Variants in DEPDC1 observed in about 807,000 individuals in gnomAD.
The protein encoded by DEPDC1 is DEP domain-containing protein 1A.
In DEPDC1, 66 loss-of-function variants were observed where a neutral mutation model predicts 86.8. The observed-to-expected ratio is 0.76, with a 90% confidence interval of 0.62 to 0.93. The LOEUF is 0.93. Among genes scored for constraint, DEPDC1 ranks in the 40% least tolerant of loss-of-function variants. DEPDC1 has a pLI of 0.00. For missense variants in DEPDC1, 792 were observed against 935.7 expected, an observed-to-expected ratio of 0.85 and a Z score of 2.00; for synonymous variants, 255 against 314.9, an observed-to-expected ratio of 0.81 and a Z score of 2.02.
Position 68,474,412 on chromosome 1 carries a change from C to T in DEPDC1, c.*2520G>A, listed in dbSNP as rs986316614. The T allele has an allele frequency of 1.3e-5, 2 of 152,026 alleles. No individual in the cohort carries two copies. The highest frequency in any genetic ancestry group is 4.8e-5 in the African/African-American group (2 of 41,414). The allele number at this position is 152,026 out of a possible 1,614,324, so 9.4% of individuals were successfully genotyped here. On this transcript the variant is annotated 3_prime_UTR_variant, in exon 12 of 12. Coordinates refer to ENST00000456315, the MANE Select transcript of DEPDC1 (RefSeq NM_001114120.3). ...CATTCCATTACTAAATGCCACATAA[C>T]TGTTTGGATAACATAAGAAGAGTGG...
intron 2 of DEPDC1, among the ~76,000 whole-genome samples, chr1:68,490,728 C>T (rs1646224007): frequency 6.6e-6 from 1 of 152,082 alleles, no homozygotes; most frequent in South Asian, 2.1e-4. Flanking sequence ...ATAGCCAAGG[C>T]TATCCTAAGA....
At chr1:68,483,429 G>A (rs1450543502) in intron 7 of DEPDC1, 3 of 450,856 alleles carry the variant, frequency 6.7e-6, no homozygotes, top group Non-Finnish European at 1.3e-5. Context: ...CTTGTGGGAG[G>A]AGAAAGGGGC....
chr1:68,484,385 G>A lies in DEPDC1; in HGVS notation c.770-295C>T, dbSNP rs1161620790. ...AAGCTTAGTTTAATAAGATTTTATT[G>A]TAATTCATTTTGTAAAGGAAAGAAT... On this transcript the variant is annotated intron_variant, in intron 6 of 11. Coordinates refer to ENST00000456315, the MANE Select transcript of DEPDC1 (RefSeq NM_001114120.3). Among the ~76,000 whole-genome samples, 4 of 151,918 alleles carry A rather than the reference G, an allele frequency of 2.6e-5. No homozygotes were observed. The South Asian group carries it at 8.3e-4, about 32-fold the overall frequency.
At chr1:68,485,094 C>T (rs1646184346) in intron 6 of DEPDC1, among the ~76,000 whole-genome samples, 1 of 151,678 alleles carries the variant, frequency 6.6e-6, no homozygotes, top group Non-Finnish European at 1.5e-5. Flanking sequence ...TTTCTTACTT[C>T]TCTGTTTCCA....
intron 9 of DEPDC1, among the ~76,000 whole-genome samples, chr1:68,480,417 C>G (rs1272518612): frequency 1.3e-5 from 2 of 151,928 alleles, no homozygotes. Context: ...TGTCTCCTTC[C>G]ATGGCTCAGA....
rs918105517 is a variant in DEPDC1, at chr1:68,496,301, G to A, written c.48+651C>T. ...TGTGGAAACAGGCTCACAGAAGGTAGGGGACTCACCTAACGTCACATAACC... is the reference window on the plus strand; with the variant it reads ...TGTGGAAACAGGCTCACAGAAGGTAAGGGACTCACCTAACGTCACATAACC... On this transcript the variant is annotated intron_variant, in intron 1 of 11. Transcript: ENST00000456315. This position sits in a 1 kb window ranked among gnomAD's most constrained non-coding sequence, Gnocchi z 4.0. 6.6e-6 allele frequency among the ~76,000 whole-genome samples: 1 copy of A among 152,160 alleles called. No individual in the cohort carries two copies. Among genetic ancestry groups the A allele is most frequent in the Non-Finnish European group, 1.5e-5 (1 of 68,036 alleles).
chr1:68,475,612 C>T lies in DEPDC1; in HGVS notation c.*1320G>A, dbSNP rs1646110034. On this transcript the variant is annotated 3_prime_UTR_variant, in exon 12 of 12. Transcript: ENST00000456315. ...CATTAAGATTTTATTACAAACCATG[C>T]ATTATATATTTCTTTACACTTAAGG... is the stretch of plus-strand genomic sequence containing the variant. The T allele has an allele frequency of 6.6e-6, 1 of 151,714 alleles. No individual in the cohort carries two copies. The highest frequency in any genetic ancestry group is 6.6e-5 in the Admixed American group (1 of 15,198). The allele number at this position is 151,714 out of a possible 1,614,324, so 9.4% of individuals were successfully genotyped here.
intron 6 of DEPDC1, among the ~76,000 whole-genome samples, chr1:68,484,937 C>CATATAT (rs71581173): frequency 2.7e-3 from 400 of 147,802 alleles, no homozygotes; most frequent in Middle Eastern, 3.6e-3. Context: ...CTTCTGGAGG[C>CATATAT]ATATATATAT....
chr1:68,487,082 ACAC>A, intron 5 of DEPDC1, 98 bp from the exon 6 acceptor site: 6 of 936,098 alleles, frequency 6.4e-6, no homozygotes, highest in Non-Finnish European at 9.1e-6. Context: ...ATATGTATAT[ACAC>A]ATACACATAC....
intron 5 of DEPDC1, among the ~76,000 whole-genome samples, chr1:68,487,356 A>G (rs568175672): frequency 6.6e-6 from 1 of 152,040 alleles, no homozygotes; most frequent in South Asian, 2.1e-4. Context: ...GCCTATTGCT[A>G]TGCTATTTGA....
At position 68,489,663 on chromosome 1, in the gene DEPDC1, G is replaced by C. The variant is rs1646216557; in HGVS notation, c.315-55C>G. ...ATGTGAGATTAGAAACAAACTTTTA[G>C]AGCCTATTTTTTTTTTAAAATTCAC... On this transcript the variant is annotated intron_variant, in intron 2 of 11. Transcript: ENST00000456315. 10 of 1,380,844 alleles carry C rather than the reference G, an allele frequency of 7.2e-6. No individual in the cohort carries two copies. The South Asian group carries it at 1.0e-4, about 14-fold the overall frequency. 85.5% of individuals were successfully genotyped at this position (1,380,844 alleles called of 1,614,324 possible).
Position 68,482,593 on chromosome 1 carries a change from C to A in DEPDC1, c.1215G>T (p.Gly405=). ...IMGGSCHNLI[G]LSNMHDLSSN... ...AGGATAGATCATGCATATTACTTAA[C>A]CCTATTAAATTATGACAACTTCCTC... is the stretch of plus-strand genomic sequence containing the variant. The change falls in exon 8 of 12, where the codon GGG becomes GGT. Residue 405 remains glycine, a synonymous_variant. Coordinates refer to ENST00000456315, the MANE Select transcript of DEPDC1 (RefSeq NM_001114120.3). 1 of 1,613,022 alleles carries A rather than the reference C, an allele frequency of 6.2e-7. No individual in the cohort carries two copies. The highest frequency in any genetic ancestry group is 8.5e-7 in the Non-Finnish European group (1 of 1,179,338).
chr1:68,489,111 C>T, intron 3 of DEPDC1, 77 bp from the exon 4 acceptor site: 1 of 882,340 alleles, frequency 1.1e-6, no homozygotes, highest in Non-Finnish European at 1.9e-6. Flanking sequence ...AATTCTATTA[C>T]TATCAGTCCA....
Position 68,485,164 on chromosome 1 carries a change from TCACACA to T in DEPDC1, c.770-1080_770-1075del, listed in dbSNP as rs57417497. The stretch of plus-strand genomic sequence containing the variant: ...CTGAAAAAGAATTAAAGAAAACAAT[TCACACA>T]CACACACACACACACACACACTCTT... On this transcript the variant is annotated intron_variant, in intron 6 of 11. Transcript: ENST00000456315. 4.3e-3 allele frequency among the ~76,000 whole-genome samples: 649 copies of T among 149,460 alleles called. 1 individual carries two copies. Among genetic ancestry groups the T allele is most frequent in the African/African-American group, 7.5e-3 (305 of 40,858 alleles).
chr1:68,484,060 G>T lies in DEPDC1; in HGVS notation c.800C>A (p.Thr267Asn). Residue 267 changes from threonine to asparagine, a missense_variant, in exon 7 of 12, where the codon ACT (threonine) becomes AAT (asparagine). Physicochemically the swap from Thr to Asn is moderately conservative, Grantham distance 65. Transcript: ENST00000456315. The part of the protein sequence containing the change: ...WPRSNDMNNP[T>N]YVGFERDVFR... ...TACATCTCGTTCAAATCCAACATAAGTTGGATTATTCATATCATTGCTTCT... is the reference window on the plus strand; with the variant it reads ...TACATCTCGTTCAAATCCAACATAATTTGGATTATTCATATCATTGCTTCT... 1 of 1,582,882 alleles carries T rather than the reference G, an allele frequency of 6.3e-7. No individual in the cohort carries two copies. The highest frequency in any genetic ancestry group is 8.6e-7 in the Non-Finnish European group (1 of 1,168,554).
intron 2 of DEPDC1, 74 bp downstream of exon 2, chr1:68,494,356 T>C (rs1646249219): frequency 3.0e-6 from 4 of 1,320,104 alleles, no homozygotes; most frequent in East Asian, 2.5e-5. Context: ...GCTGCTGTTA[T>C]AGTAAAAGTA....
chr1:68,479,556 A>G (rs148794671), intron 9 of DEPDC1, among the ~76,000 whole-genome samples: 1,638 of 152,054 alleles, frequency 0.011, 27 homozygotes, highest in African/African-American at 0.038. Flanking sequence ...TAATCTAAGC[A>G]CTTTGGGAGG....
At position 68,497,071 on chromosome 1, in the gene DEPDC1, G is replaced by A. The variant is rs185725172; in HGVS notation, c.-72C>T. Reference sequence around the variant, plus strand: ...CAGGCCCAGCGGCCGCGGCAGTGGCGAGTCTCGGCACAACCGTTGGCCCCG... The same window carrying A: ...CAGGCCCAGCGGCCGCGGCAGTGGCAAGTCTCGGCACAACCGTTGGCCCCG... On this transcript the variant is annotated 5_prime_UTR_variant, in exon 1 of 12. Transcript: ENST00000456315. 8 of 1,543,890 alleles carry A rather than the reference G, an allele frequency of 5.2e-6. No individual in the cohort carries two copies. Among genetic ancestry groups the A allele is most frequent in the Admixed American group, 1.7e-5 (1 of 59,036 alleles).
chr1:68,479,139 C>G lies in DEPDC1; in HGVS notation c.2112+5G>C. 6.2e-7 allele frequency: 1 copy of G among 1,601,184 alleles called. No homozygotes were observed. ...GCAGAGAATTTTAAGACTCACAATACTTACATGTCCCTTTTTTAAGTAGTC... is the reference window on the plus strand; with the variant it reads ...GCAGAGAATTTTAAGACTCACAATAGTTACATGTCCCTTTTTTAAGTAGTC... On this transcript the variant is annotated splice_donor_5th_base_variant and intron_variant, in intron 10 of 11. Coordinates refer to ENST00000456315, the MANE Select transcript of DEPDC1 (RefSeq NM_001114120.3).
Sources: allele counts gnomAD v4.1 joint callset (sites outside exome capture counted in the v4.1 genomes callset), GRCh38; gene constraint gnomAD v4.1.1; non-coding constraint Gnocchi (gnomAD v3.1); transcripts MANE v1.5; gene names NCBI Gene and HGNC (gene_info 2026-07-23, HGNC 2026-07-21).